Variants in CCNC observed in about 807,000 individuals in gnomAD.
CCNC encodes the protein cyclin C, also known as cyclin-C.
A neutral mutation model predicts 50.0 loss-of-function variants in CCNC; 19 were observed. That is an observed-to-expected ratio of 0.38 (90% CI 0.27 to 0.56). The LOEUF is 0.56. Ranked by LOEUF, CCNC falls within the 20% of genes least tolerant of loss-of-function variation. The pLI is 0.72. For synonymous variants in CCNC, 93 were observed against 103.7 expected (o/e 0.90, Z 0.63); for missense variants, 200 against 327.1 (o/e 0.61, Z 3.00).
At position 99,562,822 on chromosome 6, in the gene CCNC, C is replaced by CAATTTTTACCA; in HGVS notation, c.139+19_139+20insTGGTAAAAATT. ...AGGTAACCAACTATACAATTTGAACCAATTTTTAAAAAAGTTTACCATTTG... is the reference window on the plus strand; with the variant it reads ...AGGTAACCAACTATACAATTTGAACCAATTTTTACCAAATTTTTAAAAAAGTTTACCATTTG... On this transcript the variant is annotated intron_variant, in intron 2 of 11. Transcript: ENST00000520429. The CAATTTTTACCA allele has an allele frequency of 2.1e-6, 3 of 1,404,328 alleles. No homozygotes were observed. Among genetic ancestry groups the CAATTTTTACCA allele is most frequent in the Non-Finnish European group, 3.0e-6 (3 of 1,006,846 alleles). The allele number at this position is 1,404,328 out of a possible 1,614,324, so 87.0% of individuals were successfully genotyped here. A position where few individuals can be genotyped will look rare whatever the true frequency, so the allele number is the denominator to read the frequency against.
intron 9 of CCNC, among the ~76,000 whole-genome samples, chr6:99,548,349 C>T (rs1019247751): frequency 6.6e-6 from 1 of 152,174 alleles, no homozygotes; most frequent in Non-Finnish European, 1.5e-5. Context: ...CCTTTCAAAT[C>T]CAGTCCTTTC....
chr6:99,549,906 T>C (rs140933308), intron 8 of CCNC, among the ~76,000 whole-genome samples: 109 of 152,262 alleles, frequency 7.2e-4, no homozygotes, highest in Non-Finnish European at 9.3e-4. Context: ...TTTATATGTA[T>C]GTTGCAGACT....
Position 99,553,737 on chromosome 6 carries a change from T to A in CCNC, c.347-1842A>T, listed in dbSNP as rs1307752171. 2.6e-5 allele frequency among the ~76,000 whole-genome samples: 4 copies of A among 152,296 alleles called. 1 individual carries two copies. The highest frequency in any genetic ancestry group is 6.8e-3 in the Middle Eastern group (2 of 294). On this transcript the variant is annotated intron_variant, in intron 5 of 11. Coordinates refer to ENST00000520429, the MANE Select transcript of CCNC (RefSeq NM_005190.4). ...ACTGAGATCATGCACAGTTCTCTTA[T>A]ACCCACCGTTATTGACTTCCCAGCC...
chr6:99,555,477 G>C (rs989850454), intron 5 of CCNC, among the ~76,000 whole-genome samples: 1 of 151,180 alleles, frequency 6.6e-6, no homozygotes. Context: ...TTACTCCATT[G>C]CCCAGGCTGG....
Position 99,559,720 on chromosome 6 carries a change from C to CTT in CCNC, c.295-1174_295-1173dup, listed in dbSNP as rs35825182. Reference sequence around the variant, plus strand: ...TACATTCTCTTTCTCAGGAATAATTCTTTTTTTTTTTTTTTTTGAGATGCA... The same window carrying CTT: ...TACATTCTCTTTCTCAGGAATAATTCTTTTTTTTTTTTTTTTTTTGAGATGCA... On this transcript the variant is annotated intron_variant, in intron 4 of 11. Coordinates refer to ENST00000520429, the MANE Select transcript of CCNC (RefSeq NM_005190.4). Among the ~76,000 whole-genome samples the CTT allele has an allele frequency of 2.3e-3, 298 of 128,614 alleles. 6 individuals carry two copies. The highest frequency in any genetic ancestry group is 7.2e-3 in the African/African-American group (247 of 34,416). The allele number at this position is 128,614 out of a possible 152,430, so 84.4% of individuals were successfully genotyped here. A position where few individuals can be genotyped will look rare whatever the true frequency, so the allele number is the denominator to read the frequency against.
intron 6 of CCNC, 70 bp downstream of exon 6, chr6:99,551,770 A>G: frequency 1.1e-6 from 1 of 933,504 alleles, no homozygotes; most frequent in Non-Finnish European, 1.5e-6. Context: ...TATTAAATTT[A>G]GTCTAATATA....
At chr6:99,554,772 G>A (rs1802446659) in intron 5 of CCNC, among the ~76,000 whole-genome samples, 1 of 152,040 alleles carries the variant, frequency 6.6e-6, no homozygotes, top group African/African-American at 2.4e-5. Context: ...ATTTCTCCAA[G>A]GAGCCCTGGT....
At chr6:99,566,435 A>G (rs1769126930) in intron 1 of CCNC, among the ~76,000 whole-genome samples, 1 of 152,072 alleles carries the variant, frequency 6.6e-6, no homozygotes, top group Non-Finnish European at 1.5e-5. Flanking sequence ...ATAGTAAGTA[A>G]CTGTATTTTC....
intron 10 of CCNC, among the ~76,000 whole-genome samples, chr6:99,545,991 C>T (rs551199612): frequency 7.3e-5 from 11 of 151,144 alleles, no homozygotes; most frequent in South Asian, 4.2e-4. Context: ...TTTTTTTAAA[C>T]GGAGTCTCGC....
chr6:99,548,904 T>C (rs1196983265), intron 9 of CCNC, among the ~76,000 whole-genome samples: 1 of 152,144 alleles, frequency 6.6e-6, no homozygotes, highest in Non-Finnish European at 1.5e-5. Flanking sequence ...ACCTATCTCA[T>C]TTAATTCTTC....
chr6:99,557,936 G>A (rs1253529308), intron 5 of CCNC: 1 of 152,682 alleles, frequency 6.5e-6, no homozygotes, highest in Non-Finnish European at 1.5e-5. Context: ...TGTAAGAATA[G>A]CCAGACACCT....
chr6:99,561,812 T>C, intron 2 of CCNC, 131 bp from the exon 3 acceptor site: 1 of 584,944 alleles, frequency 1.7e-6, no homozygotes, highest in Non-Finnish European at 3.0e-6. Flanking sequence ...CTACACATGC[T>C]CTATGTGAGT....
chr6:99,564,445 T>A (rs866073493), intron 1 of CCNC, among the ~76,000 whole-genome samples: 21 of 144,928 alleles, frequency 1.4e-4, no homozygotes, highest in African/African-American at 5.3e-4. Context: ...AAAAAAAAAA[T>A]TCCTATGGGT....
chr6:99,554,511 G>T (rs1802433156), intron 5 of CCNC, among the ~76,000 whole-genome samples: 1 of 152,096 alleles, frequency 6.6e-6, no homozygotes, highest in African/African-American at 2.4e-5. Context: ...ATTTATATCA[G>T]TATGGACTCA....
chr6:99,558,462 T>G (rs750702312), intron 5 of CCNC, 35 bp downstream of exon 5: 1 of 1,607,888 alleles, frequency 6.2e-7, no homozygotes, highest in South Asian at 1.1e-5. Context: ...TCTTTAGAAT[T>G]ACATCCTTAA....
rs1328500728 is a variant in CCNC, at chr6:99,543,299, AATTTTG to A, written c.*250_*255del. 6.4e-6 allele frequency: 2 copies of A among 314,202 alleles called. No individual in the cohort carries two copies. Among genetic ancestry groups the A allele is most frequent in the Non-Finnish European group, 1.2e-5 (2 of 172,782 alleles). 19.5% of individuals were successfully genotyped at this position (314,202 alleles called of 1,614,324 possible). On this transcript the variant is annotated 3_prime_UTR_variant, in exon 12 of 12. Coordinates refer to ENST00000520429, the MANE Select transcript of CCNC (RefSeq NM_005190.4). The stretch of plus-strand genomic sequence containing the variant: ...AATATTATACTAATCAAAAGCTATT[AATTTTG>A]AAATGTCTATGTATGTCTGTCTGTA...
intron 1 of CCNC, chr6:99,567,044 T>C (rs1007067121): frequency 1.3e-5 from 5 of 387,556 alleles, no homozygotes; most frequent in African/African-American, 1.1e-4. Context: ...TAGGACTATT[T>C]GAATTGGGAG....
intron 7 of CCNC, 162 bp from the exon 8 acceptor site, chr6:99,550,471 CT>C (rs1297314548): frequency 3.5e-6 from 2 of 577,098 alleles, no homozygotes; most frequent in Non-Finnish European, 6.1e-6. Context: ...TATGACAGCC[CT>C]AAACTCTACC....
At chr6:99,558,106 A>G (rs576680855) in intron 5 of CCNC, 4 of 228,550 alleles carry the variant, frequency 1.8e-5, no homozygotes, top group Admixed American at 5.6e-5. Context: ...CCTCATAACA[A>G]CCCAACAACA....
Sources: allele counts gnomAD v4.1 joint callset (sites outside exome capture counted in the v4.1 genomes callset), GRCh38; gene constraint gnomAD v4.1.1; transcripts MANE v1.5; gene names NCBI Gene and HGNC (gene_info 2026-07-23, HGNC 2026-07-21).